PLCXD3: variants seen among roughly 807,000 people sequenced by gnomAD.
PLCXD3 encodes the protein PI-PLC X domain-containing protein 3.
Under a neutral mutation model 25.5 loss-of-function variants are expected in PLCXD3, and 19 were observed. The ratio of observed to expected loss-of-function variants is 0.75; its 90% CI spans 0.52 to 1.09. PLCXD3 has a LOEUF of 1.09. Ranked by LOEUF, PLCXD3 falls within the 50% of genes least tolerant of loss-of-function variation. The probability of loss-of-function intolerance (pLI) is 0.00; values close to 1 mark genes in which losing one functional copy is unlikely to be tolerated. For missense variants in PLCXD3, 411 were observed against 388.1 expected, an observed-to-expected ratio of 1.06 and a Z score of -0.50; for synonymous variants, 174 against 137.6, an observed-to-expected ratio of 1.26 and a Z score of -1.85.
At chr5:41,506,467 A>T (rs546390741) in intron 1 of PLCXD3, among the ~76,000 whole-genome samples, 1 of 152,328 alleles carries the variant, frequency 6.6e-6, no homozygotes, top group African/African-American at 2.4e-5. Context: ...CTTCTGTATC[A>T]CTATCCACTA....
chr5:41,489,895 C>T (rs1034704029), intron 1 of PLCXD3, among the ~76,000 whole-genome samples: 1 of 151,996 alleles, frequency 6.6e-6, no homozygotes, highest in African/African-American at 2.4e-5. Context: ...GACAATTTGA[C>T]TTCCTCTTTT....
At chr5:41,386,922 CAT>C (rs1745654650) in intron 1 of PLCXD3, among the ~76,000 whole-genome samples, 1 of 151,474 alleles carries the variant, frequency 6.6e-6, no homozygotes, top group Non-Finnish European at 1.5e-5. Flanking sequence ...CCATAAGCAT[CAT>C]AAAGCCCAGT....
intron 1 of PLCXD3, among the ~76,000 whole-genome samples, chr5:41,474,032 G>T (rs763924231): frequency 6.6e-6 from 1 of 152,148 alleles, no homozygotes. Context: ...CATTACAACC[G>T]TTACTACTGT....
chr5:41,443,099 ATAT>A (rs1747418633), intron 1 of PLCXD3, among the ~76,000 whole-genome samples: 1 of 148,912 alleles, frequency 6.7e-6, no homozygotes, highest in Non-Finnish European at 1.5e-5. Flanking sequence ...ATTATAATAT[ATAT>A]AATTATATAT....
intron 2 of PLCXD3, among the ~76,000 whole-genome samples, chr5:41,324,337 G>A (rs1030093473): frequency 3.9e-5 from 6 of 152,108 alleles, no homozygotes; most frequent in Non-Finnish European, 7.4e-5. Context: ...AATTCAGCCC[G>A]TTCAGACAAC....
intron 1 of PLCXD3, among the ~76,000 whole-genome samples, chr5:41,418,167 G>A (rs368318721): frequency 6.6e-6 from 1 of 151,968 alleles, no homozygotes; most frequent in African/African-American, 2.4e-5. Flanking sequence ...CAGTGTGTGT[G>A]GCATATATTT....
intron 1 of PLCXD3, among the ~76,000 whole-genome samples, chr5:41,461,006 T>A (rs1384201461): frequency 6.6e-6 from 1 of 152,008 alleles, no homozygotes; most frequent in Admixed American, 6.6e-5. Flanking sequence ...TAGTGTTGAA[T>A]CTTTGTCTTG....
At chr5:41,357,103 G>A (rs997399982) in intron 2 of PLCXD3, among the ~76,000 whole-genome samples, 1 of 152,152 alleles carries the variant, frequency 6.6e-6, no homozygotes, top group Admixed American at 6.6e-5. Context: ...AGAATCTGCT[G>A]GGTCACTTGA....
At chr5:41,497,177 GA>G (rs1267330145) in intron 1 of PLCXD3, among the ~76,000 whole-genome samples, 1 of 151,424 alleles carries the variant, frequency 6.6e-6, no homozygotes, top group African/African-American at 2.4e-5. Context: ...AAGACAATAA[GA>G]AAAACATAAC....
chr5:41,415,329 G>C (rs1307619770), intron 1 of PLCXD3, among the ~76,000 whole-genome samples: 1 of 152,132 alleles, frequency 6.6e-6, no homozygotes, highest in Non-Finnish European at 1.5e-5. Context: ...GCTGAGCTCA[G>C]TCTCAAGGGT....
chr5:41,353,247 C>T (rs1744523471), intron 2 of PLCXD3, among the ~76,000 whole-genome samples: 1 of 151,656 alleles, frequency 6.6e-6, no homozygotes, highest in African/African-American at 2.4e-5. Context: ...CGCCCGCCAC[C>T]ATGCTCGGCT....
intron 2 of PLCXD3, among the ~76,000 whole-genome samples, chr5:41,349,013 C>T (rs151173604): frequency 6.6e-6 from 1 of 152,140 alleles, no homozygotes; most frequent in Admixed American, 6.5e-5. Context: ...TTCAAAATTT[C>T]TGGATGATTT....
chr5:41,472,510 T>A (rs1463082274), intron 1 of PLCXD3, among the ~76,000 whole-genome samples: 5 of 152,344 alleles, frequency 3.3e-5, no homozygotes, highest in Middle Eastern at 3.4e-3. Context: ...GAAATGGCTA[T>A]TATTATTAAA....
chr5:41,313,835 C>G, intron 2 of PLCXD3, 65 bp from the exon 3 acceptor site: 2 of 1,476,856 alleles, frequency 1.4e-6, no homozygotes, highest in Admixed American at 2.3e-5. Context: ...CTCTACAATT[C>G]TCAGTCTTCC....
At chr5:41,328,377 G>T (rs971461295) in intron 2 of PLCXD3, among the ~76,000 whole-genome samples, 3 of 152,126 alleles carry the variant, frequency 2.0e-5, no homozygotes, top group African/African-American at 7.2e-5. Context: ...GAGTCTGCAG[G>T]ATTTCTTTCC....
chr5:41,504,828 A>G (rs1016552448), intron 1 of PLCXD3, among the ~76,000 whole-genome samples: 2 of 152,204 alleles, frequency 1.3e-5, no homozygotes, highest in African/African-American at 4.8e-5. Context: ...TATAGATCAT[A>G]CTTAAGAATC....
At chr5:41,451,144 T>G (rs1240496596) in intron 1 of PLCXD3, among the ~76,000 whole-genome samples, 1 of 151,926 alleles carries the variant, frequency 6.6e-6, no homozygotes, top group Non-Finnish European at 1.5e-5. Flanking sequence ...TACTCTAGAG[T>G]GGACTCTTCA....
intron 1 of PLCXD3, among the ~76,000 whole-genome samples, chr5:41,453,878 A>G (rs1380900355): frequency 1.3e-5 from 2 of 151,966 alleles, no homozygotes; most frequent in Non-Finnish European, 2.9e-5. Flanking sequence ...GCCATGGTTC[A>G]ACTATGTGTC....
At chr5:41,313,905 G>T in intron 2 of PLCXD3, 135 bp from the exon 3 acceptor site, 1 of 1,007,362 alleles carries the variant, frequency 9.9e-7, no homozygotes, top group Non-Finnish European at 1.4e-6. Context: ...AGGGGAAAAG[G>T]CCAAATGGAC....
Sources: allele counts gnomAD v4.1 joint callset (sites outside exome capture counted in the v4.1 genomes callset), GRCh38; gene constraint gnomAD v4.1.1; transcripts MANE v1.5; gene names NCBI Gene and HGNC (gene_info 2026-07-23, HGNC 2026-07-21).